ST7: variants seen among roughly 807,000 people sequenced by gnomAD.
ST7 encodes suppression of tumorigenicity 7.
Under a neutral mutation model 78.7 loss-of-function variants are expected in ST7, and 28 were observed. That is an observed-to-expected ratio of 0.36 (90% CI 0.26 to 0.49). The LOEUF is 0.49. ST7 is among the 20% of genes least tolerant of loss of function. ST7 has a pLI of 0.99. For missense variants in ST7, 418 were observed against 696.0 expected (o/e 0.60, Z 4.49); for synonymous variants, 247 against 249.6 (o/e 0.99, Z 0.10).
At chr7:117,224,290 A>G (rs1793301773) in intron 15 of ST7, among the ~76,000 whole-genome samples, 1 of 151,996 alleles carries the variant, frequency 6.6e-6, no homozygotes, top group African/African-American at 2.4e-5. Context: ...CTAACCAACT[A>G]CCTGCTTTTT....
chr7:117,162,017 T>C (rs1207754303), intron 9 of ST7, among the ~76,000 whole-genome samples: 1 of 152,214 alleles, frequency 6.6e-6, no homozygotes, highest in African/African-American at 2.4e-5. Flanking sequence ...TATAGTGTAC[T>C]TATTCGCTGA....
chr7:117,156,570 T>A (rs972963577), intron 9 of ST7, among the ~76,000 whole-genome samples: 3 of 152,096 alleles, frequency 2.0e-5, no homozygotes, highest in East Asian at 3.9e-4. Flanking sequence ...AAAGCCATGA[T>A]GTTGAATAGG....
chr7:117,202,385 C>T (rs769935041), intron 12 of ST7, among the ~76,000 whole-genome samples: 1 of 152,192 alleles, frequency 6.6e-6, no homozygotes, highest in Non-Finnish European at 1.5e-5. Flanking sequence ...CAGCTGCCTT[C>T]AGGCCATTTC....
At chr7:117,102,978 A>G (rs1037881004) in intron 2 of ST7, among the ~76,000 whole-genome samples, 1 of 152,194 alleles carries the variant, frequency 6.6e-6, no homozygotes, top group East Asian at 1.9e-4. Flanking sequence ...CCCATTTACA[A>G]TAGCTATAAA....
intron 1 of ST7, chr7:116,966,155 C>T: frequency 4.6e-6 from 2 of 433,322 alleles, no homozygotes; most frequent in South Asian, 3.5e-5. Flanking sequence ...AATATGTAGA[C>T]ATTAAGACAG....
At chr7:117,108,276 C>T (rs549588709) in intron 2 of ST7, among the ~76,000 whole-genome samples, 10 of 152,126 alleles carry the variant, frequency 6.6e-5, no homozygotes, top group African/African-American at 1.2e-4. Flanking sequence ...ATAAGGTGAG[C>T]GATGAGGATC....
chr7:117,140,340 A>C (rs1320151712), intron 9 of ST7, among the ~76,000 whole-genome samples: 3 of 152,142 alleles, frequency 2.0e-5, no homozygotes, highest in Non-Finnish European at 4.4e-5. Context: ...GCTCTTTACC[A>C]GCTTCATGAC....
At chr7:117,114,103 C>A (rs1473625679) in intron 2 of ST7, among the ~76,000 whole-genome samples, 1 of 151,986 alleles carries the variant, frequency 6.6e-6, no homozygotes, top group Admixed American at 6.6e-5. Flanking sequence ...GTTTACATAG[C>A]CCCCGCAACT....
intron 12 of ST7, among the ~76,000 whole-genome samples, chr7:117,192,668 C>A (rs759389514): frequency 5.3e-5 from 8 of 152,094 alleles, no homozygotes; most frequent in Non-Finnish European, 1.2e-4. Flanking sequence ...TAGAGCCTTG[C>A]AATCCTGGGG....
intron 10 of ST7, among the ~76,000 whole-genome samples, chr7:117,187,323 C>T (rs1057424691): frequency 1.5e-4 from 23 of 152,060 alleles, no homozygotes; most frequent in African/African-American, 5.1e-4. Context: ...CTACATTTCC[C>T]TCTTTGATAT....
chr7:117,083,679 TATG>T (rs1351084504), intron 1 of ST7, among the ~76,000 whole-genome samples: 2 of 152,202 alleles, frequency 1.3e-5, no homozygotes, highest in Non-Finnish European at 1.5e-5. Flanking sequence ...AATATAGAGT[TATG>T]ATATATATTT....
In ST7 at chr7:117,027,519, A is replaced by C. The variant is rs555601748; in HGVS notation, c.152-72243A>C. Among the ~76,000 whole-genome samples, 24 of 64,718 alleles carry C rather than the reference A, an allele frequency of 3.7e-4. No homozygotes were observed. In the South Asian group the frequency reaches 9.4e-3, roughly 25 times the overall value. The allele number at this position is 64,718 out of a possible 152,430, so 42.5% of individuals were successfully genotyped here. On this transcript the variant is annotated intron_variant, in intron 1 of 15. Coordinates refer to ENST00000323984, the MANE Select transcript of ST7 (RefSeq NM_001369598.1). ...AAAGTAAGTAAAGTAAAAAGTAAAGAGTAAAGTAAAAAAAAATAAAATATA... is the reference window on the plus strand; with the variant it reads ...AAAGTAAGTAAAGTAAAAAGTAAAGCGTAAAGTAAAAAAAAATAAAATATA...
chr7:117,075,519 C>T (rs1799277176), intron 1 of ST7, among the ~76,000 whole-genome samples: 1 of 152,170 alleles, frequency 6.6e-6, no homozygotes, highest in African/African-American at 2.4e-5. Flanking sequence ...GTTTCCCTGC[C>T]ATCCACTCCT....
At chr7:117,166,977 TGAGCAA>T (rs1807605491) in intron 9 of ST7, among the ~76,000 whole-genome samples, 1 of 151,342 alleles carries the variant, frequency 6.6e-6, no homozygotes, top group Admixed American at 6.6e-5. Context: ...AGATGCTGTG[TGAGCAA>T]TTTAGGCAAC....
chr7:117,026,534 T>C (rs1414714540), intron 1 of ST7, among the ~76,000 whole-genome samples: 3 of 152,224 alleles, frequency 2.0e-5, no homozygotes, highest in African/African-American at 4.8e-5. Context: ...TTAATTCAGA[T>C]ACTTATGAGC....
At position 117,130,518 on chromosome 7, in the gene ST7, T is replaced by G. The variant is rs370453542; in HGVS notation, c.477T>G (p.Pro159=). 6.8e-6 allele frequency: 11 copies of G among 1,611,502 alleles called. No homozygotes were observed. The highest frequency in any genetic ancestry group is 9.3e-6 in the Non-Finnish European group (11 of 1,178,334). ...NRYTWVTGRE[P]LTYYDMNLSA... is the part of the protein sequence containing the mutation. ...ATACTTGGGTGACAGGACGAGAGCC[T>G]CTTACTTACTATGACATGAATCTCT... The change falls in exon 5 of 16, where the codon CCT becomes CCG. Residue 159 remains proline (P), a synonymous_variant. Coordinates refer to ENST00000323984, the MANE Select transcript of ST7 (RefSeq NM_001369598.1).
At chr7:117,170,638 A>G (rs185186192) in intron 9 of ST7, among the ~76,000 whole-genome samples, 1,578 of 152,186 alleles carry the variant, frequency 0.01, 13 homozygotes, top group Middle Eastern at 0.021. Flanking sequence ...CTGAGATCGC[A>G]CCACTGCACT....
At chr7:117,189,006 T>A (rs1260869374) in intron 10 of ST7, among the ~76,000 whole-genome samples, 1 of 152,216 alleles carries the variant, frequency 6.6e-6, no homozygotes, top group Non-Finnish European at 1.5e-5. Flanking sequence ...TCATGTGATA[T>A]CTAAATGTAT....
At chr7:117,204,940 G>A (rs1468389256) in intron 12 of ST7, among the ~76,000 whole-genome samples, 1 of 152,166 alleles carries the variant, frequency 6.6e-6, no homozygotes, top group Non-Finnish European at 1.5e-5. Flanking sequence ...GGTGGCATAT[G>A]CCTTATAGTC....
Sources: allele counts gnomAD v4.1 joint callset (sites outside exome capture counted in the v4.1 genomes callset), GRCh38; gene constraint gnomAD v4.1.1; transcripts MANE v1.5; gene names NCBI Gene and HGNC (gene_info 2026-07-23, HGNC 2026-07-21).